The following AKAP3 variants were observed in gnomAD, a reference collection of about 807,000 sequenced individuals.
AKAP3 encodes A-kinase anchoring protein 3.
Under a neutral mutation model 57.2 loss-of-function variants are expected in AKAP3, and 27 were observed. The ratio of observed to expected loss-of-function variants is 0.47; its 90% CI spans 0.35 to 0.65. The LOEUF (loss-of-function observed/expected upper bound fraction) is 0.65, where lower values mean the gene tolerates loss of function less well. AKAP3 is among the 30% of genes least tolerant of loss of function. AKAP3 has a pLI of 0.01. For synonymous variants in AKAP3, 334 were observed against 392.3 expected, an observed-to-expected ratio of 0.85 and a Z score of 1.76; for missense variants, 959 against 1,040.0, an observed-to-expected ratio of 0.92 and a Z score of 1.07.
intron 3 of AKAP3, among the ~76,000 whole-genome samples, chr12:4,639,094 A>G (rs1037355842): frequency 2.0e-5 from 3 of 152,216 alleles, no homozygotes; most frequent in Non-Finnish European, 2.9e-5. Context: ...TGAGTATTAT[A>G]TGTACATACC....
chr12:4,615,937 C>T, intron 5 of AKAP3, 43 bp from the exon 6 acceptor site: 1 of 1,610,792 alleles, frequency 6.2e-7, no homozygotes, highest in East Asian at 2.2e-5. Flanking sequence ...CACAGCATCT[C>T]ATGGCAGGCC....
chr12:4,640,544 C>A (rs1168134387), intron 3 of AKAP3, among the ~76,000 whole-genome samples: 2 of 152,154 alleles, frequency 1.3e-5, no homozygotes, highest in East Asian at 1.9e-4. Context: ...TTAAATACAT[C>A]ATTGAAACTT....
chr12:4,646,104 T>C (rs1370009284), intron 1 of AKAP3, among the ~76,000 whole-genome samples: 2 of 152,152 alleles, frequency 1.3e-5, no homozygotes, highest in East Asian at 1.9e-4. Flanking sequence ...TCTTCAGAGA[T>C]ACAATAACCC....
intron 1 of AKAP3, chr12:4,645,921 G>A (rs1327367538): frequency 6.6e-6 from 1 of 152,134 alleles, no homozygotes; most frequent in Non-Finnish European, 1.5e-5. Flanking sequence ...AGAGGAGAAT[G>A]AGAAATAAAA....
intron 4 of AKAP3, chr12:4,635,544 G>A (rs564917424): frequency 1.4e-6 from 1 of 700,604 alleles, no homozygotes; most frequent in African/African-American, 1.8e-5. Context: ...GCATAGGACT[G>A]TGCTTCCTGG....
In AKAP3 at chr12:4,625,756, G is replaced by C. The variant is rs1248358502; in HGVS notation, c.2406+740C>G. Among the ~76,000 whole-genome samples the C allele has an allele frequency of 6.6e-6, 1 of 151,990 alleles. No homozygotes were observed. The highest frequency in any genetic ancestry group is 1.9e-4 in the East Asian group (1 of 5,170). On this transcript the variant is annotated intron_variant, in intron 5 of 5. Coordinates refer to ENST00000228850, the MANE Select transcript of AKAP3 (RefSeq NM_001278309.2). This position sits in a 1 kb window ranked among gnomAD's most constrained non-coding sequence, Gnocchi z 5.4. ...AGGCAGAGAGGAGAGAGAAGAGAAGGTTGTAGGGATGGTCTTTTTAATTCC... is the reference window on the plus strand; with the variant it reads ...AGGCAGAGAGGAGAGAGAAGAGAAGCTTGTAGGGATGGTCTTTTTAATTCC...
At chr12:4,640,335 A>G (rs1945622580) in intron 3 of AKAP3, among the ~76,000 whole-genome samples, 1 of 152,246 alleles carries the variant, frequency 6.6e-6, no homozygotes, top group Non-Finnish European at 1.5e-5. Context: ...TGTTTAAAAT[A>G]CTGTTATAAT....
In AKAP3 at chr12:4,626,900, G is replaced by A; in HGVS notation, c.2002C>T (p.Gln668Ter). The A allele has an allele frequency of 2.5e-6, 4 of 1,614,004 alleles. No individual in the cohort carries two copies. Among genetic ancestry groups the A allele is most frequent in the Non-Finnish European group, 3.4e-6 (4 of 1,180,012 alleles). The change falls in exon 5 of 6, where the codon CAG (glutamine) becomes TAG (stop). Residue 668 changes from glutamine to a stop codon, truncating the protein, a stop_gained. Transcript: ENST00000228850. LOFTEE classifies it high-confidence loss of function. ...GAGTTCATCAGATGTTCTACCATCT[G>A]CCCACTCATGTGGCCATCTATCTGG... ...VSQIDGHMSG[Q>*]MVEHLMNSVM...
intron 4 of AKAP3, among the ~76,000 whole-genome samples, chr12:4,634,834 G>C (rs920029233): frequency 5.3e-5 from 8 of 151,416 alleles, no homozygotes; most frequent in African/African-American, 1.9e-4. Context: ...TTTTCTTGTG[G>C]TTCATTTATT....
intron 4 of AKAP3, among the ~76,000 whole-genome samples, chr12:4,635,000 G>T (rs1286164077): frequency 6.6e-6 from 1 of 151,780 alleles, no homozygotes; most frequent in Admixed American, 6.6e-5. Context: ...TTTTCCACAG[G>T]TGACTACTGC....
Position 4,626,412 on chromosome 12 carries a change from C to G in AKAP3, c.2406+84G>C, listed in dbSNP as rs1398173600. On this transcript the variant is annotated intron_variant, in intron 5 of 5. Transcript: ENST00000228850. The stretch of plus-strand genomic sequence containing the variant: ...CCCATTTTACCTTCTCTGTGGCTAT[C>G]TTCCCATTCAGAAAGAAACCAGAAC... 2.1e-6 allele frequency: 3 copies of G among 1,463,352 alleles called. No individual in the cohort carries two copies. The African/African-American group carries it at 4.3e-5, about 21-fold the overall frequency. 90.6% of individuals were successfully genotyped at this position (1,463,352 alleles called of 1,614,324 possible).
intron 4 of AKAP3, among the ~76,000 whole-genome samples, chr12:4,632,530 C>A (rs749281237): frequency 1.3e-5 from 2 of 152,136 alleles, no homozygotes; most frequent in Non-Finnish European, 2.9e-5. Flanking sequence ...AAGTGTATAC[C>A]TGCTTGTTTT....
intron 5 of AKAP3, among the ~76,000 whole-genome samples, chr12:4,620,227 C>T (rs1156620436): frequency 6.6e-6 from 1 of 152,036 alleles, no homozygotes; most frequent in African/African-American, 2.4e-5. Flanking sequence ...CGCGGTGGCT[C>T]ACGCCTGTAA....
intron 2 of AKAP3, among the ~76,000 whole-genome samples, chr12:4,642,400 A>T (rs978970943): frequency 5.3e-5 from 8 of 152,236 alleles, no homozygotes; most frequent in African/African-American, 1.9e-4. Flanking sequence ...CTTTGCAAGC[A>T]TCTTTGAGGA....
In AKAP3 at chr12:4,624,981, C is replaced by CA. The variant is rs934999396; in HGVS notation, c.2406+1514dup. Among the ~76,000 whole-genome samples the CA allele has an allele frequency of 5.3e-4, 81 of 152,220 alleles. 1 individual carries two copies. The highest frequency in any genetic ancestry group is 1.9e-3 in the African/African-American group (77 of 41,530). On this transcript the variant is annotated intron_variant, in intron 5 of 5. Transcript: ENST00000228850. ...AGGGGTTTGATTTCAAAGATGGCTA[C>CA]AAAAGGCTTTCTCACACATTACACA...
At chr12:4,624,951 A>G (rs1945394031) in intron 5 of AKAP3, among the ~76,000 whole-genome samples, 1 of 152,148 alleles carries the variant, frequency 6.6e-6, no homozygotes, top group Non-Finnish European at 1.5e-5. Context: ...TGTATGTTAT[A>G]TATGAGGGGT....
At chr12:4,648,185 A>C (rs1196892979) in intron 1 of AKAP3, among the ~76,000 whole-genome samples, 1 of 152,238 alleles carries the variant, frequency 6.6e-6, no homozygotes, top group African/African-American at 2.4e-5. Flanking sequence ...TCTTTGTAGA[A>C]CAATGCAGAT....
chr12:4,646,488 T>A (rs1043051295), intron 1 of AKAP3, among the ~76,000 whole-genome samples: 2 of 151,982 alleles, frequency 1.3e-5, no homozygotes, highest in African/African-American at 4.8e-5. Context: ...CTGGCCAACA[T>A]GGCAGAACCC....
rs1407266673 is a variant in AKAP3, at chr12:4,615,754, C to A, written c.2547G>T (p.Leu849=). The part of the protein sequence containing the change: ...NVTPLQLLDW[L]MVNL Reference sequence around the variant, plus strand: ...GGGTTGCCGATTACAGGTTCACCATCAGCCAGTCCAGCAGCTGCAGCGGTG... The same window carrying A: ...GGGTTGCCGATTACAGGTTCACCATAAGCCAGTCCAGCAGCTGCAGCGGTG... The change falls in exon 6 of 6, where the codon CTG becomes CTT. Residue 849 remains leucine (L), a synonymous_variant. Coordinates refer to ENST00000228850, the MANE Select transcript of AKAP3 (RefSeq NM_001278309.2). 4 of 1,614,042 alleles carry A rather than the reference C, an allele frequency of 2.5e-6. No homozygotes were observed. Among genetic ancestry groups the A allele is most frequent in the Non-Finnish European group, 3.4e-6 (4 of 1,179,940 alleles).
Sources: gnomAD v4.1 joint callset for allele counts (sites outside exome capture counted in the v4.1 genomes callset) on GRCh38, gnomAD v4.1.1 for gene constraint, Gnocchi (gnomAD v3.1) non-coding constraint, MANE v1.5 for transcripts, NCBI Gene and HGNC (gene_info 2026-07-23, HGNC 2026-07-21) for gene names.